The following CRYBG2 variants were observed in gnomAD, a reference collection of about 807,000 sequenced individuals.
CRYBG2 encodes the protein beta/gamma crystallin domain-containing protein 2.
In CRYBG2, 106 loss-of-function variants were observed where a neutral mutation model predicts 153.4. The ratio of observed to expected loss-of-function variants is 0.69; its 90% CI spans 0.59 to 0.81. The LOEUF is 0.81. Ranked by LOEUF, CRYBG2 falls within the 30% of genes least tolerant of loss-of-function variation. CRYBG2 has a pLI of 0.00. For missense variants in CRYBG2, 1,996 were observed against 2,112.0 expected, an observed-to-expected ratio of 0.95 and a Z score of 1.08; for synonymous variants, 851 against 877.8, an observed-to-expected ratio of 0.97 and a Z score of 0.54.
intron 1 of CRYBG2, among the ~76,000 whole-genome samples, chr1:26,349,709 G>T (rs1489649956): frequency 2.6e-5 from 4 of 151,962 alleles, no homozygotes; most frequent in Admixed American, 1.3e-4. Flanking sequence ...CAGTGATTGG[G>T]TTATGAGGGC....
At chr1:26,339,806 G>A (rs1008228030) in intron 5 of CRYBG2, among the ~76,000 whole-genome samples, 3 of 151,862 alleles carry the variant, frequency 2.0e-5, no homozygotes, top group South Asian at 4.2e-4. Flanking sequence ...GCTTCCCCAA[G>A]TCCATTTAGC....
chr1:26,344,195 A>G lies in CRYBG2; in HGVS notation c.2463T>C (p.Pro821=). The G allele has an allele frequency of 6.5e-7, 1 of 1,535,630 alleles. No homozygotes were observed. The highest frequency in any genetic ancestry group is 1.2e-5 in the South Asian group (1 of 83,986). ...CCTCCTCCTCTTTCTCTTCCAGTGAAGGCACCTCCTGGGGTCCGGGGCCCA... is the reference window on the plus strand; with the variant it reads ...CCTCCTCCTCTTTCTCTTCCAGTGAGGGCACCTCCTGGGGTCCGGGGCCCA... ...WVLGPGPQEV[P]SLEEKEEEEE... is the part of the protein sequence containing the mutation. The change falls in exon 2 of 20, where the codon CCT becomes CCC. Residue 821 remains proline (P), a synonymous_variant. Coordinates refer to ENST00000308182, the MANE Select transcript of CRYBG2 (RefSeq NM_001039775.4).
chr1:26,352,424 C>T (rs1268108093), intron 1 of CRYBG2, among the ~76,000 whole-genome samples: 1 of 152,118 alleles, frequency 6.6e-6, no homozygotes, highest in Admixed American at 6.6e-5. Context: ...AATACACACA[C>T]AGTCAATTCA....
intron 1 of CRYBG2, among the ~76,000 whole-genome samples, chr1:26,348,760 T>A (rs1268879551): frequency 4.0e-5 from 6 of 151,858 alleles, no homozygotes; most frequent in Non-Finnish European, 8.8e-5. Context: ...TTCACTATGT[T>A]GCCCAGGCTG....
At position 26,338,414 on chromosome 1, in the gene CRYBG2, G is replaced by T. The variant is rs78628066; in HGVS notation, c.3408C>A (p.Tyr1136Ter). 2 of 1,613,566 alleles carry T rather than the reference G, an allele frequency of 1.2e-6. No individual in the cohort carries two copies. The highest frequency in any genetic ancestry group is 2.2e-5 in the South Asian group (2 of 90,990). ...DTPYILEPGE[Y>*]PTSEAWGTSD... Reference sequence around the variant, plus strand: ...ATGTGCCCCAGGCCTCTGAGGTGGGGTACTCTCCAGGTTCCAGGATGTAGG... The same window carrying T: ...ATGTGCCCCAGGCCTCTGAGGTGGGTTACTCTCCAGGTTCCAGGATGTAGG... Residue 1136 changes from tyrosine (Y) to a stop codon, truncating the protein, a stop_gained, in exon 7 of 20, where the codon TAC becomes TAA. Coordinates refer to ENST00000308182, the MANE Select transcript of CRYBG2 (RefSeq NM_001039775.4). LOFTEE classifies it high-confidence loss of function.
rs534905781 is a variant in CRYBG2 at position 26,349,412 on chromosome 1, C to T, written c.-55-2700G>A. Reference sequence around the variant, plus strand: ...ACATCCAGGCATCCTCCCTCCTACCCCCAGGCCACAGCTCTGGGGCATGTC... The same window carrying T: ...ACATCCAGGCATCCTCCCTCCTACCTCCAGGCCACAGCTCTGGGGCATGTC... On this transcript the variant is annotated intron_variant, in intron 1 of 19. Coordinates refer to ENST00000308182, the MANE Select transcript of CRYBG2 (RefSeq NM_001039775.4). Among the ~76,000 whole-genome samples the T allele has an allele frequency of 9.2e-5, 14 of 152,214 alleles. No individual in the cohort carries two copies. In the South Asian group the frequency reaches 2.9e-3, roughly 32 times the overall value.
In CRYBG2 at chr1:26,344,204, C is replaced by T; in HGVS notation, c.2454G>A (p.Gln818=). 2 of 1,535,850 alleles carry T rather than the reference C, an allele frequency of 1.3e-6. No homozygotes were observed. The highest frequency in any genetic ancestry group is 8.7e-7 in the Non-Finnish European group (1 of 1,146,692). The part of the protein sequence containing the change: ...LGPWVLGPGP[Q]EVPSLEEKEE... ...CTTTCTCTTCCAGTGAAGGCACCTC[C>T]TGGGGTCCGGGGCCCAGCACCCATG... Residue 818 remains glutamine, a synonymous_variant, in exon 2 of 20, where the codon CAG becomes CAA. Transcript: ENST00000308182.
chr1:26,354,112 T>G lies in CRYBG2; in HGVS notation c.-132A>C. 1 of 399,612 alleles carries G rather than the reference T, an allele frequency of 2.5e-6. No individual in the cohort carries two copies. Among genetic ancestry groups the G allele is most frequent in the Non-Finnish European group, 4.4e-6 (1 of 226,566 alleles). 24.8% of individuals were successfully genotyped at this position (399,612 alleles called of 1,614,324 possible). A position where few individuals can be genotyped will look rare whatever the true frequency, so the allele number is the denominator to read the frequency against. ...CTGCTGCTGGGCCGTGCTCCCCTGA[T>G]GCGATTGGGCTCTCAGCTGGGGTTC... On this transcript the variant is annotated 5_prime_UTR_variant, in exon 1 of 20. Coordinates refer to ENST00000308182, the MANE Select transcript of CRYBG2 (RefSeq NM_001039775.4).
chr1:26,333,014 CAAAAAAAAAAA>C (rs59155910), intron 14 of CRYBG2, among the ~76,000 whole-genome samples: 10 of 71,940 alleles, frequency 1.4e-4, no homozygotes, highest in Non-Finnish European at 2.1e-4. Flanking sequence ...CACCAAACCC[CAAAAAAAAAAA>C]AAAAAAAAAA....
chr1:26,340,706 G>A (rs1280211049), intron 5 of CRYBG2, among the ~76,000 whole-genome samples: 1 of 151,854 alleles, frequency 6.6e-6, no homozygotes, highest in Non-Finnish European at 1.5e-5. Flanking sequence ...TCTGCCTCCC[G>A]GGTTCAAGCG....
In CRYBG2 at chr1:26,336,655, T is replaced by C. The variant is rs2124703348; in HGVS notation, c.3989A>G (p.Asp1330Gly). The change falls in exon 12 of 20, where the codon GAC becomes GGC. Residue 1330 changes from aspartate to glycine, a missense_variant. Coordinates refer to ENST00000308182, the MANE Select transcript of CRYBG2 (RefSeq NM_001039775.4). The surrounding 1 kb of genome is among the most constrained non-coding windows in gnomAD (Gnocchi z 4.9). ...LEKGVYRNCE[D>G]WGAGNSTLAS... Reference sequence around the variant, plus strand: ...GAGGGTGCTGTTGCCAGCGCCCCAGTCCTCGCAGTTACGATACACGCCCTT... The same window carrying C: ...GAGGGTGCTGTTGCCAGCGCCCCAGCCCTCGCAGTTACGATACACGCCCTT... 3.2e-6 allele frequency: 5 copies of C among 1,552,450 alleles called. No individual in the cohort carries two copies. The highest frequency in any genetic ancestry group is 3.5e-6 in the Non-Finnish European group (4 of 1,147,682).
chr1:26,331,560 C>G lies in CRYBG2; in HGVS notation c.4243G>C (p.Glu1415Gln), dbSNP rs773727165. 1.7e-5 allele frequency: 28 copies of G among 1,614,006 alleles called. No individual in the cohort carries two copies. The highest frequency in any genetic ancestry group is 2.2e-5 in the Non-Finnish European group (26 of 1,180,028). Residue 1415 changes from glutamate (E) to glutamine (Q), a missense_variant, in exon 15 of 20, where the codon GAG becomes CAG. By Grantham distance (29) the Glu-to-Gln change is conservative. Transcript: ENST00000308182. Reference protein sequence around the residue: ...EGDQHILSEGEFPTLTAMGCL... With the variant: ...EGDQHILSEGQFPTLTAMGCL... ...CCCATGGCCGTGAGAGTGGGGAACTCGCCCTCAGAGAGAATGTGCTGGTCA... is the reference window on the plus strand; with the variant it reads ...CCCATGGCCGTGAGAGTGGGGAACTGGCCCTCAGAGAGAATGTGCTGGTCA...
chr1:26,337,664 T>G lies in CRYBG2; in HGVS notation c.3518A>C (p.Tyr1173Ser), dbSNP rs1464739737. 1 of 1,611,618 alleles carries G rather than the reference T, an allele frequency of 6.2e-7. No individual in the cohort carries two copies. Residue 1173 changes from tyrosine to serine, a missense_variant, in exon 9 of 20, where the codon TAT (tyrosine) becomes TCT (serine). Coordinates refer to ENST00000308182, the MANE Select transcript of CRYBG2 (RefSeq NM_001039775.4). The stretch of plus-strand genomic sequence containing the variant: ...GCGGCCCTGAAAGCCTGGGGCCTCA[T>G]ACACCACAGCCTGGGGGAAAGGGGC... ...EKPGEPRAVV[Y>S]EAPGFQGRSW... is the part of the protein sequence containing the mutation.
rs543669036 is a variant in CRYBG2 at position 26,344,596 on chromosome 1, T to C, written c.2062A>G (p.Ser688Gly). 6.5e-7 allele frequency: 1 copy of C among 1,536,658 alleles called. No individual in the cohort carries two copies. Among genetic ancestry groups the C allele is most frequent in the South Asian group, 1.2e-5 (1 of 84,044 alleles). Reference protein sequence around the residue: ...QDKGVQDSEGSPISSLTQKEV... With the variant: ...QDKGVQDSEGGPISSLTQKEV... ...TTCTGGGTGAGAGATGAGATGGGGC[T>C]CCCTTCAGAGTCCTGGACCCCCTTA... Residue 688 changes from serine (S) to glycine (G), a missense_variant, in exon 2 of 20, where the codon AGC (serine) becomes GGC (glycine). By Grantham distance (56) the Ser-to-Gly change is moderately conservative. Coordinates refer to ENST00000308182, the MANE Select transcript of CRYBG2 (RefSeq NM_001039775.4).
Position 26,336,301 on chromosome 1 carries a change from G to A in CRYBG2, c.4071+37C>T. The A allele has an allele frequency of 6.2e-7, 1 of 1,612,188 alleles. No homozygotes were observed. Among genetic ancestry groups the A allele is most frequent in the Non-Finnish European group, 8.5e-7 (1 of 1,179,012 alleles). ...AAAGGTCCGAAATGAGGGGAGAGACGTGAGCCCAGCGGCTCCCTGCGGAGT... is the reference window on the plus strand; with the variant it reads ...AAAGGTCCGAAATGAGGGGAGAGACATGAGCCCAGCGGCTCCCTGCGGAGT... On this transcript the variant is annotated intron_variant, in intron 13 of 19. Transcript: ENST00000308182. The surrounding 1 kb of genome is among the most constrained non-coding windows in gnomAD (Gnocchi z 4.9).
Position 26,343,291 on chromosome 1 carries a change from G to T in CRYBG2, c.2916C>A (p.Ser972Arg). Residue 972 changes from serine to arginine, a missense_variant and splice_region_variant, in exon 3 of 20, where the codon AGC (serine) becomes AGA (arginine). Coordinates refer to ENST00000308182, the MANE Select transcript of CRYBG2 (RefSeq NM_001039775.4). This position sits in a 1 kb window ranked among gnomAD's most constrained non-coding sequence, Gnocchi z 4.1. ...GCTTGCCCTGGGTCTTTAAGGCTGG[G>T]CTCTGAAACGGAGGCAGGTGATAAA... is the stretch of plus-strand genomic sequence containing the variant. ...LACSLPLEGW[S>R]PALKTQGKLN... 1 of 1,550,302 alleles carries T rather than the reference G, an allele frequency of 6.5e-7. No homozygotes were observed. The highest frequency in any genetic ancestry group is 1.2e-5 in the South Asian group (1 of 84,056).
intron 9 of CRYBG2, 35 bp downstream of exon 9, chr1:26,337,503 G>A: frequency 6.2e-7 from 1 of 1,609,968 alleles, no homozygotes. Context: ...AAGGCCAGAG[G>A]TGATGAAATA....
rs374361611 is a variant in CRYBG2 at position 26,349,613 on chromosome 1, G to A, written c.-55-2901C>T. 1.7e-3 allele frequency among the ~76,000 whole-genome samples: 256 copies of A among 152,196 alleles called. 8 individuals carry two copies. In the South Asian group the frequency reaches 0.05, roughly 30 times the overall value. ...GCCAAAGAAGACCTTCTAAGCTTCT[G>A]CTATGGCTTGAATATTTGTCCCCTC... On this transcript the variant is annotated intron_variant, in intron 1 of 19. Coordinates refer to ENST00000308182, the MANE Select transcript of CRYBG2 (RefSeq NM_001039775.4).
Position 26,337,555 on chromosome 1 carries a change from CAG to C in CRYBG2, c.3625_3626del (p.Leu1209GlufsTer37), listed in dbSNP as rs1350163678. 11 of 1,612,632 alleles carry C rather than the reference CAG, an allele frequency of 6.8e-6. No individual in the cohort carries two copies. The highest frequency in any genetic ancestry group is 9.3e-6 in the Non-Finnish European group (11 of 1,179,956). On this transcript the variant is annotated frameshift_variant, in exon 9 of 20. Transcript: ENST00000308182. LOFTEE classifies it high-confidence loss of function. ...QSPHLASVGS[L>X]RVLGGCWVGY... is the part of the protein sequence containing the mutation. ...GTTCTCACCAGCCTCCGAGAACTCTCAGGGACCCCACAGAGGCCAGGTGGGGG... is the reference window on the plus strand; with the variant it reads ...GTTCTCACCAGCCTCCGAGAACTCTCGGACCCCACAGAGGCCAGGTGGGGG...
Sources: allele counts gnomAD v4.1 joint callset (sites outside exome capture counted in the v4.1 genomes callset), GRCh38; gene constraint gnomAD v4.1.1; non-coding constraint Gnocchi (gnomAD v3.1); transcripts MANE v1.5; gene names NCBI Gene and HGNC (gene_info 2026-07-23, HGNC 2026-07-21).